The following ADAMTS5 variants were observed in gnomAD, a reference collection of about 807,000 sequenced individuals.
ADAMTS5 encodes ADAM metallopeptidase with thrombospondin type 1 motif 5, also known as A disintegrin and metalloproteinase with thrombospondin motifs 5.
A neutral mutation model predicts 81.4 loss-of-function variants in ADAMTS5; 54 were observed. The ratio of observed to expected loss-of-function variants is 0.66; its 90% CI spans 0.53 to 0.83. The LOEUF (loss-of-function observed/expected upper bound fraction) is 0.83, where lower values mean the gene tolerates loss of function less well. Among genes scored for constraint, ADAMTS5 ranks in the 40% least tolerant of loss-of-function variants. The pLI, the probability that ADAMTS5 is intolerant of heterozygous loss-of-function variation, is 0.00. For synonymous variants in ADAMTS5, 532 were observed against 508.8 expected, an observed-to-expected ratio of 1.05 and a Z score of -0.61; for missense variants, 1,194 against 1,229.9, an observed-to-expected ratio of 0.97 and a Z score of 0.44.
intron 7 of ADAMTS5, 25 bp downstream of exon 7, chr21:26,929,861 A>G (rs368135310): frequency 2.4e-4 from 386 of 1,604,356 alleles, no homozygotes; most frequent in Middle Eastern, 1.3e-3. Context: ...CAATTCACAT[A>G]AAGACAAAGG....
chr21:26,952,936 T>C (rs1987349603), intron 2 of ADAMTS5, among the ~76,000 whole-genome samples: 2 of 152,244 alleles, frequency 1.3e-5, no homozygotes, highest in Admixed American at 1.3e-4. Context: ...AATGTTGCCT[T>C]GAGCAAGTCT....
Position 26,934,764 on chromosome 21 carries a change from G to A in ADAMTS5, c.1406-15C>T. On this transcript the variant is annotated splice_polypyrimidine_tract_variant and intron_variant, in intron 3 of 7. Coordinates refer to ENST00000284987, the MANE Select transcript of ADAMTS5 (RefSeq NM_007038.5). ...CAAACAGTTACCTACAAGAATAACT[G>A]AGATTGACCACGGCTCTGTGTTTAG... 6.2e-7 allele frequency: 1 copy of A among 1,611,566 alleles called. No individual in the cohort carries two copies. Among genetic ancestry groups the A allele is most frequent in the Non-Finnish European group, 8.5e-7 (1 of 1,177,980 alleles).
At chr21:26,937,004 A>T (rs751630070) in intron 3 of ADAMTS5, among the ~76,000 whole-genome samples, 2 of 152,232 alleles carry the variant, frequency 1.3e-5, no homozygotes, top group Non-Finnish European at 2.9e-5. Flanking sequence ...TTTTAAAAAA[A>T]ATTTTACTAA....
intron 1 of ADAMTS5, among the ~76,000 whole-genome samples, chr21:26,964,101 C>T (rs1987586282): frequency 6.6e-6 from 1 of 152,186 alleles, no homozygotes; most frequent in Admixed American, 6.5e-5. Flanking sequence ...TCATTTCATA[C>T]CATGATTTTA....
chr21:26,918,016 A>C lies in ADAMTS5; in HGVS notation c.*6037T>G, dbSNP rs1224442543. 1 of 152,260 alleles carries C rather than the reference A, an allele frequency of 6.6e-6. No individual in the cohort carries two copies. Among genetic ancestry groups the C allele is most frequent in the Non-Finnish European group, 1.5e-5 (1 of 67,904 alleles). The allele number at this position is 152,260 out of a possible 1,614,324, so 9.4% of individuals were successfully genotyped here. Reference sequence around the variant, plus strand: ...TCACACATAGGGAAATGCTTTACAAAATAGGATATTGTTCCTCAATGAAAA... The same window carrying C: ...TCACACATAGGGAAATGCTTTACAACATAGGATATTGTTCCTCAATGAAAA... On this transcript the variant is annotated 3_prime_UTR_variant, in exon 8 of 8. Coordinates refer to ENST00000284987, the MANE Select transcript of ADAMTS5 (RefSeq NM_007038.5).
intron 1 of ADAMTS5, among the ~76,000 whole-genome samples, chr21:26,959,883 C>T (rs1987496515): frequency 6.6e-6 from 1 of 152,100 alleles, no homozygotes; most frequent in Non-Finnish European, 1.5e-5. Context: ...CCTCCTGTAA[C>T]TTCCTTATCT....
chr21:26,956,810 T>A (rs1037823377), intron 1 of ADAMTS5, among the ~76,000 whole-genome samples: 1 of 152,226 alleles, frequency 6.6e-6, no homozygotes, highest in Non-Finnish European at 1.5e-5. Context: ...CTCTTCTCGA[T>A]AGAGATTAAA....
chr21:26,938,010 C>T (rs922325188), intron 3 of ADAMTS5, among the ~76,000 whole-genome samples: 3 of 152,072 alleles, frequency 2.0e-5, no homozygotes, highest in East Asian at 1.9e-4. Context: ...GAGGCTGAGG[C>T]GGGTGGATCA....
At chr21:26,947,285 CTG>C (rs746259757) in intron 2 of ADAMTS5, among the ~76,000 whole-genome samples, 15 of 152,254 alleles carry the variant, frequency 9.9e-5, no homozygotes, top group Admixed American at 7.8e-4. Flanking sequence ...TTAATGACCT[CTG>C]TATTTATATG....
rs1374713206 is a variant in ADAMTS5, at chr21:26,921,080, AT to A, written c.*2972del. On this transcript the variant is annotated 3_prime_UTR_variant, in exon 8 of 8. Transcript: ENST00000284987. ...TTTAAATATAGAAAAATTTGAACATATTTTTGTTAAATAAGAATAAATAATT... is the reference window on the plus strand; with the variant it reads ...TTTAAATATAGAAAAATTTGAACATATTTTGTTAAATAAGAATAAATAATT... 1 of 152,534 alleles carries A rather than the reference AT, an allele frequency of 6.6e-6. No individual in the cohort carries two copies. Among genetic ancestry groups the A allele is most frequent in the Non-Finnish European group, 1.5e-5 (1 of 67,974 alleles). 9.4% of individuals were successfully genotyped at this position (152,534 alleles called of 1,614,324 possible).
chr21:26,958,244 C>A (rs1206902401), intron 1 of ADAMTS5, among the ~76,000 whole-genome samples: 2 of 152,140 alleles, frequency 1.3e-5, no homozygotes, highest in Non-Finnish European at 2.9e-5. Context: ...ACAGCTGCAG[C>A]CACAGCAGCT....
intron 1 of ADAMTS5, among the ~76,000 whole-genome samples, chr21:26,959,866 C>T (rs867000528): frequency 2.6e-5 from 4 of 152,098 alleles, no homozygotes; most frequent in Non-Finnish European, 4.4e-5. Flanking sequence ...TCTAACTGGT[C>T]CCTTTTCCTC....
rs1441096685 is a variant in ADAMTS5, at chr21:26,965,248, G to T, written c.1104+40C>A. The T allele has an allele frequency of 1.9e-6, 3 of 1,570,718 alleles. No individual in the cohort carries two copies. In the South Asian group the frequency reaches 3.6e-5, roughly 19 times the overall value. On this transcript the variant is annotated intron_variant, in intron 1 of 7. Transcript: ENST00000284987. ...CAAGATTCCCTTCTACCTACCTCCT[G>T]ATATCAGCGCTGGGACCCCCGCATC... is the stretch of plus-strand genomic sequence containing the variant.
chr21:26,921,486 C>T lies in ADAMTS5; in HGVS notation c.*2567G>A, dbSNP rs1986696821. ...TTTTAAAGAAGTAGCCCCTAGCATC[C>T]TGAATTCTAGACATTTTAAAAAATT... On this transcript the variant is annotated 3_prime_UTR_variant, in exon 8 of 8. Transcript: ENST00000284987. The T allele has an allele frequency of 6.7e-6, 1 of 149,050 alleles. No individual in the cohort carries two copies. Among genetic ancestry groups the T allele is most frequent in the African/African-American group, 2.5e-5 (1 of 40,454 alleles). 9.2% of individuals were successfully genotyped at this position (149,050 alleles called of 1,614,324 possible). A position where few individuals can be genotyped will look rare whatever the true frequency, so the allele number is the denominator to read the frequency against.
rs142614577 is a variant in ADAMTS5, at chr21:26,936,349, A to G, written c.1406-1600T>C. Among the ~76,000 whole-genome samples, 355 of 152,336 alleles carry G rather than the reference A, an allele frequency of 2.3e-3. 2 individuals carry two copies. Among genetic ancestry groups the G allele is most frequent in the African/African-American group, 8.1e-3 (336 of 41,586 alleles). On this transcript the variant is annotated intron_variant, in intron 3 of 7. Coordinates refer to ENST00000284987, the MANE Select transcript of ADAMTS5 (RefSeq NM_007038.5). ...GATACTGTAAATGTGAAATTAGCTAACAAAGATCTTAAGGGTGACCAGAAA... is the reference window on the plus strand; with the variant it reads ...GATACTGTAAATGTGAAATTAGCTAGCAAAGATCTTAAGGGTGACCAGAAA...
chr21:26,938,281 T>G (rs181385621), intron 3 of ADAMTS5, among the ~76,000 whole-genome samples: 5 of 151,488 alleles, frequency 3.3e-5, no homozygotes, highest in African/African-American at 1.2e-4. Context: ...TCAATAGGAA[T>G]GTGTGCATAT....
In ADAMTS5 at chr21:26,966,562, G is replaced by T. The variant is rs1031966602; in HGVS notation, c.-171C>A. Reference sequence around the variant, plus strand: ...AGCAGCGCCAGCCTGTCCGGGCTGCGGTGCCAGCGTGCGAACTTTTCTTTG... The same window carrying T: ...AGCAGCGCCAGCCTGTCCGGGCTGCTGTGCCAGCGTGCGAACTTTTCTTTG... On this transcript the variant is annotated 5_prime_UTR_variant, in exon 1 of 8. Transcript: ENST00000284987. The T allele has an allele frequency of 1.4e-5, 7 of 508,648 alleles. No homozygotes were observed. The highest frequency in any genetic ancestry group is 2.1e-5 in the Non-Finnish European group (7 of 330,352). 31.5% of individuals were successfully genotyped at this position (508,648 alleles called of 1,614,324 possible).
chr21:26,947,731 G>A (rs916606705), intron 2 of ADAMTS5, among the ~76,000 whole-genome samples: 2 of 152,260 alleles, frequency 1.3e-5, no homozygotes, highest in Admixed American at 1.3e-4. Flanking sequence ...CACTGCGCCC[G>A]ATCAGAACTG....
chr21:26,934,797 A>G (rs1986983531), intron 3 of ADAMTS5, 48 bp from the exon 4 acceptor site: 1 of 1,594,446 alleles, frequency 6.3e-7, no homozygotes. Flanking sequence ...TAGGTTTCAA[A>G]CCGCTAAAAT....
Sources: gnomAD v4.1 joint callset for allele counts (sites outside exome capture counted in the v4.1 genomes callset) on GRCh38, gnomAD v4.1.1 for gene constraint, MANE v1.5 for transcripts, NCBI Gene and HGNC (gene_info 2026-07-23, HGNC 2026-07-21) for gene names.